The following OPCML variants were observed in gnomAD, a reference collection of about 807,000 sequenced individuals.
OPCML encodes the protein opioid binding protein/cell adhesion molecule like.
In OPCML, 13 loss-of-function variants were observed where a neutral mutation model predicts 37.8. That is an observed-to-expected ratio of 0.34 (90% confidence interval 0.22 to 0.55). OPCML has a LOEUF of 0.55. OPCML is among the 20% of genes least tolerant of loss of function. The pLI is 0.91. For synonymous variants in OPCML, 176 were observed against 168.8 expected, an observed-to-expected ratio of 1.04 and a Z score of -0.33; for missense variants, 341 against 435.6, an observed-to-expected ratio of 0.78 and a Z score of 1.93.
intron 1 of OPCML, among the ~76,000 whole-genome samples, chr11:133,163,270 G>T (rs1486974841): frequency 6.6e-6 from 1 of 152,184 alleles, no homozygotes; most frequent in Non-Finnish European, 1.5e-5. Flanking sequence ...CTGCATGACT[G>T]GTTTATAAAA....
intron 1 of OPCML, among the ~76,000 whole-genome samples, chr11:132,980,350 G>C (rs994818290): frequency 6.6e-6 from 1 of 152,184 alleles, no homozygotes; most frequent in African/African-American, 2.4e-5. Flanking sequence ...TCTGAAAGAA[G>C]AATTTAAGTT....
At chr11:133,479,656 C>G (rs1166011434) in intron 1 of OPCML, among the ~76,000 whole-genome samples, 1 of 152,338 alleles carries the variant, frequency 6.6e-6, no homozygotes, top group South Asian at 2.1e-4. Context: ...GACCCTGCCA[C>G]TGCTCACACT....
At position 132,561,533 on chromosome 11, in the gene OPCML, G is replaced by C. The variant is rs905242631; in HGVS notation, c.380-32347C>G. On this transcript the variant is annotated intron_variant, in intron 3 of 7. Transcript: ENST00000524381. Reference sequence around the variant, plus strand: ...GTGGTCTTTTCAGGGCCTGGTCCAGGGCCTGGGACAAGAGGCCCTCAATAA... The same window carrying C: ...GTGGTCTTTTCAGGGCCTGGTCCAGCGCCTGGGACAAGAGGCCCTCAATAA... Among the ~76,000 whole-genome samples the C allele has an allele frequency of 3.3e-5, 5 of 152,252 alleles. No individual in the cohort carries two copies. In the East Asian group the frequency reaches 9.7e-4, roughly 30 times the overall value.
At chr11:133,191,226 G>A (rs1293142297) in intron 1 of OPCML, among the ~76,000 whole-genome samples, 1 of 151,984 alleles carries the variant, frequency 6.6e-6, no homozygotes, top group Non-Finnish European at 1.5e-5. Context: ...AATGATCAGT[G>A]ATGACAAGCA....
At chr11:132,739,500 A>G (rs1200809613) in intron 2 of OPCML, among the ~76,000 whole-genome samples, 1 of 152,244 alleles carries the variant, frequency 6.6e-6, no homozygotes, top group African/African-American at 2.4e-5. Context: ...CACAGGCACC[A>G]ATCAACCAGC....
chr11:133,495,397 C>A (rs1947763694), intron 1 of OPCML, among the ~76,000 whole-genome samples: 1 of 152,154 alleles, frequency 6.6e-6, no homozygotes, highest in Non-Finnish European at 1.5e-5. Flanking sequence ...ATAATGACTT[C>A]TTTTCCTCTG....
intron 1 of OPCML, among the ~76,000 whole-genome samples, chr11:133,012,063 T>C (rs551664474): frequency 2.0e-5 from 3 of 152,328 alleles, no homozygotes; most frequent in African/African-American, 7.2e-5. Flanking sequence ...AAAATGGTTC[T>C]CTACTGGGGA....
intron 2 of OPCML, among the ~76,000 whole-genome samples, chr11:132,927,252 T>TA (rs758790791): frequency 1.3e-5 from 2 of 152,004 alleles, no homozygotes; most frequent in African/African-American, 2.4e-5. Flanking sequence ...AGATACATTA[T>TA]AAAAAAATGT....
At chr11:133,066,127 T>C (rs1948437735) in intron 1 of OPCML, 1 of 152,966 alleles carries the variant, frequency 6.5e-6, no homozygotes, top group African/African-American at 2.4e-5. Context: ...TGCCCGCCTC[T>C]GCCTGCCAAG....
chr11:133,023,838 C>T (rs552231771), intron 1 of OPCML, among the ~76,000 whole-genome samples: 2 of 152,342 alleles, frequency 1.3e-5, no homozygotes, highest in South Asian at 2.1e-4. Flanking sequence ...GATGGACTCA[C>T]ATTAGCTTGG....
intron 1 of OPCML, chr11:133,026,029 C>T: frequency 4.1e-6 from 4 of 984,280 alleles, no homozygotes; most frequent in Non-Finnish European, 4.8e-6. Flanking sequence ...GCCACCACGC[C>T]CAGCCTAAAT....
At chr11:133,042,165 C>T (rs978363750) in intron 1 of OPCML, among the ~76,000 whole-genome samples, 2 of 152,180 alleles carry the variant, frequency 1.3e-5, no homozygotes, top group African/African-American at 2.4e-5. Flanking sequence ...AAGGCAGGCT[C>T]CTGGCACTGC....
At chr11:133,339,807 G>A (rs1299405288) in intron 1 of OPCML, among the ~76,000 whole-genome samples, 1 of 152,156 alleles carries the variant, frequency 6.6e-6, no homozygotes, top group Non-Finnish European at 1.5e-5. Flanking sequence ...AGACAAAAGT[G>A]TAATTTTATT....
At chr11:133,188,258 C>T (rs887794725) in intron 1 of OPCML, among the ~76,000 whole-genome samples, 24 of 152,192 alleles carry the variant, frequency 1.6e-4, no homozygotes, top group African/African-American at 5.8e-4. Context: ...TCATATGGGC[C>T]TCATGCTACC....
chr11:133,491,956 T>G (rs916744649), intron 1 of OPCML, among the ~76,000 whole-genome samples: 1 of 152,110 alleles, frequency 6.6e-6, no homozygotes, highest in African/African-American at 2.4e-5. Flanking sequence ...TGTCACACCT[T>G]GATTAAAACT....
intron 1 of OPCML, among the ~76,000 whole-genome samples, chr11:133,120,994 C>T (rs1949411724): frequency 6.6e-6 from 1 of 152,150 alleles, no homozygotes; most frequent in Admixed American, 6.5e-5. Context: ...GTGATCTCAG[C>T]TCACCGCAAC....
At chr11:133,184,153 T>C (rs1937965467) in intron 1 of OPCML, among the ~76,000 whole-genome samples, 1 of 152,192 alleles carries the variant, frequency 6.6e-6, no homozygotes, top group Non-Finnish European at 1.5e-5. Context: ...GACTGCTTAC[T>C]GAGATTCATC....
At chr11:133,382,854 G>C (rs2039523926) in intron 1 of OPCML, among the ~76,000 whole-genome samples, 1 of 152,116 alleles carries the variant, frequency 6.6e-6, no homozygotes, top group African/African-American at 2.4e-5. Flanking sequence ...CTTATGAAAG[G>C]AGTTTTTAAA....
intron 2 of OPCML, among the ~76,000 whole-genome samples, chr11:132,664,013 T>C (rs1942111045): frequency 6.6e-6 from 1 of 152,038 alleles, no homozygotes; most frequent in Non-Finnish European, 1.5e-5. Context: ...TTTGTATTTT[T>C]AGTAGAGAGG....
Sources: gnomAD v4.1 joint callset for allele counts (sites outside exome capture counted in the v4.1 genomes callset) on GRCh38, gnomAD v4.1.1 for gene constraint, MANE v1.5 for transcripts, NCBI Gene and HGNC (gene_info 2026-07-23, HGNC 2026-07-21) for gene names.